The following KIF1A variants were observed in gnomAD, a reference collection of about 807,000 sequenced individuals.
The protein encoded by KIF1A is kinesin family member 1A, also known as kinesin-like protein KIF1A.
In KIF1A, 46 loss-of-function variants were observed where a neutral mutation model predicts 227.3. The ratio of observed to expected loss-of-function variants is 0.20; its 90% CI spans 0.16 to 0.26. The LOEUF (loss-of-function observed/expected upper bound fraction) is 0.26. KIF1A is among the 10% of genes least tolerant of loss of function. KIF1A has a pLI of 1.00. For synonymous variants in KIF1A, 1,022 were observed against 1,012.8 expected, an observed-to-expected ratio of 1.01 and a Z score of -0.17; for missense variants, 1,683 against 2,485.9, an observed-to-expected ratio of 0.68 and a Z score of 6.87.
chr2:240,753,784 C>T (rs1016417605), intron 27 of KIF1A, among the ~76,000 whole-genome samples: 7 of 152,166 alleles, frequency 4.6e-5, no homozygotes, highest in East Asian at 3.9e-4. Context: ...CACATTAGAA[C>T]GATGAAATAT....
rs776762408 is a variant in KIF1A, at chr2:240,763,100, G to C, written c.1950-9C>G. 2 of 1,590,356 alleles carry C rather than the reference G, an allele frequency of 1.3e-6. No homozygotes were observed. Among genetic ancestry groups the C allele is most frequent in the Admixed American group, 3.4e-5 (2 of 58,824 alleles). ...CCTCCAGTTCCTGGAGCCTGCAAGG[G>C]GGCATTGGGGTGAGCACGGGAGGGC... On this transcript the variant is annotated splice_polypyrimidine_tract_variant and intron_variant, in intron 21 of 48. Coordinates refer to ENST00000498729, the MANE Select transcript of KIF1A (RefSeq NM_001244008.2).
In KIF1A at chr2:240,757,645, G is replaced by C. The variant is rs982194724; in HGVS notation, c.2583-51C>G. On this transcript the variant is annotated intron_variant, in intron 26 of 48. Transcript: ENST00000498729. The surrounding 1 kb of genome is among the most constrained non-coding windows in gnomAD (Gnocchi z 6.2). ...AGAAGTTAACACCAGCGACTCGCAG[G>C]GACGAACAGGGGCCGGGGCCGGGGC... 19 of 1,534,278 alleles carry C rather than the reference G, an allele frequency of 1.2e-5. No individual in the cohort carries two copies. Among genetic ancestry groups the C allele is most frequent in the Non-Finnish European group, 1.7e-5 (19 of 1,137,324 alleles).
In KIF1A at chr2:240,721,792, C is replaced by A. The variant is rs750678866; in HGVS notation, c.4743+15G>T. 2 of 1,593,636 alleles carry A rather than the reference C, an allele frequency of 1.3e-6. No individual in the cohort carries two copies. Among genetic ancestry groups the A allele is most frequent in the Admixed American group, 3.4e-5 (2 of 59,186 alleles). On this transcript the variant is annotated intron_variant, in intron 44 of 48. Transcript: ENST00000498729. ...AGCCCTGCGGGGCAGCCTGGTGCAG[C>A]CCCTCTGCACCCACCTTGCTCTCGC...
intron 41 of KIF1A, 30 bp downstream of exon 41, chr2:240,723,945 C>G (rs779009447): frequency 3.8e-6 from 6 of 1,599,520 alleles, no homozygotes; most frequent in Non-Finnish European, 5.1e-6. Flanking sequence ...GGCCAGGAAC[C>G]CACCCAGTGA....
chr2:240,813,050 G>C (rs2058070400), intron 1 of KIF1A, among the ~76,000 whole-genome samples: 1 of 151,160 alleles, frequency 6.6e-6, no homozygotes, highest in Non-Finnish European at 1.5e-5. Context: ...CTTGCTCCCA[G>C]TTAGACAAGT....
At position 240,745,785 on chromosome 2, in the gene KIF1A, C is replaced by T. The variant is rs752843807; in HGVS notation, c.3327G>A (p.Gln1109=). The change falls in exon 31 of 49, where the codon CAG becomes CAA. Residue 1109 remains glutamine (Q), a synonymous_variant. Transcript: ENST00000498729. ...CATATTCGGCAGAGATGCTGGACGC[C>T]TGCAGGACTGTCACACGGAAGGTGA... ...NTFTFRVTVL[Q]ASSISAEYAD... is the part of the protein sequence containing the mutation. 4.2e-5 allele frequency: 67 copies of T among 1,612,870 alleles called. 1 individual carries two copies. In the South Asian group the frequency reaches 6.7e-4, roughly 16 times the overall value.
rs1374193961 is a variant in KIF1A, at chr2:240,778,896, C to G, written c.883-2970G>C. Among the ~76,000 whole-genome samples the G allele has an allele frequency of 1.3e-5, 2 of 152,100 alleles. No individual in the cohort carries two copies. Among genetic ancestry groups the G allele is most frequent in the Non-Finnish European group, 2.9e-5 (2 of 68,016 alleles). Reference sequence around the variant, plus strand: ...ACGCCATCCCCAATGCGGGTGCACACACACTTTCCACACACTTCCTCAGGC... The same window carrying G: ...ACGCCATCCCCAATGCGGGTGCACAGACACTTTCCACACACTTCCTCAGGC... On this transcript the variant is annotated intron_variant, in intron 10 of 48. Coordinates refer to ENST00000498729, the MANE Select transcript of KIF1A (RefSeq NM_001244008.2). This position sits in a 1 kb window ranked among gnomAD's most constrained non-coding sequence, Gnocchi z 7.2.
In KIF1A at chr2:240,772,597, C is replaced by CT; in HGVS notation, c.1181-2dup. On this transcript the variant is annotated splice_acceptor_variant, in intron 13 of 48. Coordinates refer to ENST00000498729, the MANE Select transcript of KIF1A (RefSeq NM_001244008.2). LOFTEE classifies it high-confidence loss of function. ...TTGGGTCCTCCAGGCACAGTGTTGG[C>CT]TATGGGGGAGGGAAGCGTGGGGGAG... 6.5e-7 allele frequency: 1 copy of CT among 1,544,368 alleles called. No individual in the cohort carries two copies. The highest frequency in any genetic ancestry group is 8.8e-7 in the Non-Finnish European group (1 of 1,141,810).
chr2:240,725,023 G>A lies in KIF1A; in HGVS notation c.4256+248C>T, dbSNP rs904904389. On this transcript the variant is annotated intron_variant, in intron 40 of 48. Transcript: ENST00000498729. The surrounding 1 kb of genome is among the most constrained non-coding windows in gnomAD (Gnocchi z 5.8). Reference sequence around the variant, plus strand: ...CCTGGGCCTGCCCCTCCTCCCATCCGCTGCAGGCTGGCCCTCAAGTCCCTC... The same window carrying A: ...CCTGGGCCTGCCCCTCCTCCCATCCACTGCAGGCTGGCCCTCAAGTCCCTC... Among the ~76,000 whole-genome samples, 11 of 143,476 alleles carry A rather than the reference G, an allele frequency of 7.7e-5. No homozygotes were observed. Among genetic ancestry groups the A allele is most frequent in the Non-Finnish European group, 1.4e-4 (9 of 66,398 alleles). 94.1% of individuals were successfully genotyped at this position (143,476 alleles called of 152,430 possible).
intron 44 of KIF1A, 116 bp downstream of exon 44, chr2:240,721,673 CTCTGCACTGAGACGTGTT>C: frequency 1.3e-6 from 1 of 750,540 alleles, no homozygotes; most frequent in Non-Finnish European, 2.3e-6. Flanking sequence ...TGAGGTGTCC[CTCTGCACTGAGACGTGTT>C]CCTAGGAAAC....
intron 45 of KIF1A, chr2:240,720,138 G>T (rs1272632473): frequency 5.9e-5 from 27 of 458,656 alleles, no homozygotes; most frequent in Middle Eastern, 5.6e-4. Context: ...GGGCTTGGTG[G>T]GCAGGGTCCC....
intron 37 of KIF1A, among the ~76,000 whole-genome samples, chr2:240,738,145 G>T (rs766907407): frequency 1.1e-4 from 16 of 152,252 alleles, no homozygotes; most frequent in Admixed American, 2.0e-4. Context: ...AGCCCTCGGG[G>T]AGGGGAGCGC....
At chr2:240,781,891 G>C in intron 10 of KIF1A, 7 of 985,316 alleles carry the variant, frequency 7.1e-6, no homozygotes, top group Non-Finnish European at 8.4e-6. Flanking sequence ...TAGTCTCTTG[G>C]AACTCCTCAC....
rs780626531 is a variant in KIF1A, at chr2:240,766,743, T to TCACACACACACACACACA, written c.1684+171_1684+172insTGTGTGTGTGTGTGTGTG. 8.0e-6 allele frequency among the ~76,000 whole-genome samples: 1 copy of TCACACACACACACACACA among 125,516 alleles called. No homozygotes were observed. The highest frequency in any genetic ancestry group is 1.6e-5 in the Non-Finnish European group (1 of 60,964). The allele number at this position is 125,516 out of a possible 152,430, so 82.3% of individuals were successfully genotyped here. ...CCAAATCTCTCTCTCTCTCTCTCTC[T>TCACACACACACACACACA]CTCTCTCACACACACACACACACAC... On this transcript the variant is annotated intron_variant, in intron 19 of 48. Transcript: ENST00000498729. This position sits in a 1 kb window ranked among gnomAD's most constrained non-coding sequence, Gnocchi z 5.0.
rs921703488 is a variant in KIF1A at position 240,758,938 on chromosome 2, A to G, written c.2445-441T>C. ...CAGAAGACAGAGAAAATAGCCTACA[A>G]ATTATTATTCCCAAGAAAAACTTAA... On this transcript the variant is annotated intron_variant, in intron 25 of 48. Transcript: ENST00000498729. The surrounding 1 kb of genome is among the most constrained non-coding windows in gnomAD (Gnocchi z 5.2). 6.6e-6 allele frequency among the ~76,000 whole-genome samples: 1 copy of G among 152,192 alleles called. No homozygotes were observed. The highest frequency in any genetic ancestry group is 1.5e-5 in the Non-Finnish European group (1 of 68,032).
chr2:240,764,010 C>G (rs61636628), intron 20 of KIF1A, among the ~76,000 whole-genome samples: 8,394 of 152,244 alleles, frequency 0.055, 514 homozygotes, highest in African/African-American at 0.14. Flanking sequence ...ATCTGCAGGG[C>G]CCTCCAGGGC....
At chr2:240,805,908 T>C (rs114047206) in intron 1 of KIF1A, among the ~76,000 whole-genome samples, 2,704 of 152,266 alleles carry the variant, frequency 0.018, 81 homozygotes, top group African/African-American at 0.062. Context: ...ATAAAAATAC[T>C]TACTAAATGG....
chr2:240,757,646 G>T lies in KIF1A; in HGVS notation c.2583-52C>A. On this transcript the variant is annotated intron_variant, in intron 26 of 48. Coordinates refer to ENST00000498729, the MANE Select transcript of KIF1A (RefSeq NM_001244008.2). The surrounding 1 kb of genome is among the most constrained non-coding windows in gnomAD (Gnocchi z 6.2). ...GAAGTTAACACCAGCGACTCGCAGG[G>T]ACGAACAGGGGCCGGGGCCGGGGCT... The T allele has an allele frequency of 6.5e-7, 1 of 1,533,200 alleles. No homozygotes were observed. Among genetic ancestry groups the T allele is most frequent in the Non-Finnish European group, 8.8e-7 (1 of 1,136,412 alleles). 95.0% of individuals were successfully genotyped at this position (1,533,200 alleles called of 1,614,324 possible). A position where few individuals can be genotyped will look rare whatever the true frequency, so the allele number is the denominator to read the frequency against.
Position 240,789,421 on chromosome 2 carries a change from C to G in KIF1A, c.107-109G>C. ...GTCTTAAGAGGCCTCGGGCCCCAGA[C>G]AAGCCAGGCCCCCAAATTGGAGGGG... On this transcript the variant is annotated intron_variant, in intron 2 of 48. Transcript: ENST00000498729. The surrounding 1 kb of genome is among the most constrained non-coding windows in gnomAD (Gnocchi z 4.8). 2 of 871,962 alleles carry G rather than the reference C, an allele frequency of 2.3e-6. No individual in the cohort carries two copies. The highest frequency in any genetic ancestry group is 1.9e-6 in the Non-Finnish European group (1 of 532,088). The allele number at this position is 871,962 out of a possible 1,614,324, so 54.0% of individuals were successfully genotyped here. A position where few individuals can be genotyped will look rare whatever the true frequency, so the allele number is the denominator to read the frequency against.
Sources: allele counts gnomAD v4.1 joint callset (sites outside exome capture counted in the v4.1 genomes callset), GRCh38; gene constraint gnomAD v4.1.1; non-coding constraint Gnocchi (gnomAD v3.1); transcripts MANE v1.5; gene names NCBI Gene and HGNC (gene_info 2026-07-23, HGNC 2026-07-21).